ATRN: variants seen among roughly 807,000 people sequenced by gnomAD.
ATRN encodes the protein attractin.
A neutral mutation model predicts 178.7 loss-of-function variants in ATRN; 54 were observed. That is an observed-to-expected ratio of 0.30 (90% CI 0.24 to 0.38). The LOEUF is 0.38. Among genes scored for constraint, ATRN ranks in the 10% least tolerant of loss-of-function variants. The pLI, the probability that ATRN is intolerant of heterozygous loss-of-function variation, is 1.00. For synonymous variants in ATRN, 636 were observed against 663.0 expected (o/e 0.96, Z 0.63); for missense variants, 1,443 against 1,815.1 (o/e 0.79, Z 3.73).
chr20:3,624,224 A>C (rs570250295), intron 24 of ATRN, among the ~76,000 whole-genome samples: 10 of 152,324 alleles, frequency 6.6e-5, no homozygotes, highest in Non-Finnish European at 1.3e-4. Context: ...GCCAGGCTTC[A>C]TGGAGGCATG....
At chr20:3,602,561 A>G (rs1052556501) in intron 23 of ATRN, among the ~76,000 whole-genome samples, 2 of 152,192 alleles carry the variant, frequency 1.3e-5, no homozygotes, top group Non-Finnish European at 2.9e-5. Flanking sequence ...ATCTTAAAAC[A>G]TTGTGTAGAA....
intron 11 of ATRN, among the ~76,000 whole-genome samples, chr20:3,571,561 CT>C (rs5839999): frequency 0.61 from 86,929 of 142,488 alleles, 26,614 homozygotes; most frequent in East Asian, 0.96. Context: ...ATTTTTTGTG[CT>C]TTTTTTTTTT....
At chr20:3,519,324 C>T (rs2085255275) in intron 1 of ATRN, among the ~76,000 whole-genome samples, 1 of 147,250 alleles carries the variant, frequency 6.8e-6, no homozygotes, top group South Asian at 2.4e-4. Context: ...TGCTTGAATA[C>T]ATCCATGTGA....
At chr20:3,633,876 T>C (rs952706124) in intron 25 of ATRN, among the ~76,000 whole-genome samples, 2 of 152,250 alleles carry the variant, frequency 1.3e-5, no homozygotes, top group Non-Finnish European at 2.9e-5. Flanking sequence ...ATTTCTTCTG[T>C]TTGCCTCTTC....
At chr20:3,615,365 G>A (rs1015213551) in intron 24 of ATRN, among the ~76,000 whole-genome samples, 1 of 149,698 alleles carries the variant, frequency 6.7e-6, no homozygotes, top group African/African-American at 2.5e-5. Flanking sequence ...GGAGGCAGAT[G>A]TTGCAGCGAG....
At chr20:3,558,328 G>T (rs1398226517) in intron 6 of ATRN, among the ~76,000 whole-genome samples, 1 of 151,896 alleles carries the variant, frequency 6.6e-6, no homozygotes, top group East Asian at 1.9e-4. Flanking sequence ...TATTCTTTAT[G>T]TTATCTATCT....
intron 1 of ATRN, among the ~76,000 whole-genome samples, chr20:3,527,684 A>C (rs1282639244): frequency 6.6e-6 from 1 of 152,226 alleles, no homozygotes; most frequent in East Asian, 1.9e-4. Context: ...ATGCCCATCG[A>C]TGATAGACTG....
chr20:3,631,330 C>G (rs1311513465), intron 25 of ATRN, among the ~76,000 whole-genome samples: 1 of 151,988 alleles, frequency 6.6e-6, no homozygotes, highest in Admixed American at 6.6e-5. Context: ...TGAAGAATGG[C>G]TCATATAATA....
At chr20:3,476,414 A>G (rs1044067947) in intron 1 of ATRN, among the ~76,000 whole-genome samples, 1 of 152,216 alleles carries the variant, frequency 6.6e-6, no homozygotes, top group Non-Finnish European at 1.5e-5. Flanking sequence ...CGTTCTTTGA[A>G]GGACTGACCT....
chr20:3,631,494 T>C (rs1454731607), intron 25 of ATRN, among the ~76,000 whole-genome samples: 1 of 152,128 alleles, frequency 6.6e-6, no homozygotes, highest in Non-Finnish European at 1.5e-5. Context: ...CCTAATGAGA[T>C]GCTTTTCCAG....
intron 21 of ATRN, among the ~76,000 whole-genome samples, chr20:3,597,700 G>A (rs1440216497): frequency 2.0e-5 from 3 of 152,166 alleles, no homozygotes; most frequent in African/African-American, 7.2e-5. Context: ...TGGACAACTG[G>A]TCATTTCTTT....
Position 3,471,298 on chromosome 20 carries a change from T to A in ATRN, c.191T>A (p.Leu64Gln). The A allele has an allele frequency of 6.8e-7, 1 of 1,479,502 alleles. No individual in the cohort carries two copies. The highest frequency in any genetic ancestry group is 1.3e-5 in the South Asian group (1 of 77,264). The allele number at this position is 1,479,502 out of a possible 1,614,324, so 91.6% of individuals were successfully genotyped here. Residue 64 changes from leucine to glutamine, a missense_variant, in exon 1 of 29, where the codon CTG (leucine) becomes CAG (glutamine). This residue lies in a region of ATRN where 862 missense variants were observed against 972.1 expected (regional missense o/e 0.89). Coordinates refer to ENST00000262919, the MANE Select transcript of ATRN (RefSeq NM_139321.3). ...SPPLRPRLLL[L>Q]LLLLSPPLLL... ...CCGCTGCGGCCACGGCTGCTGCTGC[T>A]GCTGTTGTTGCTCTCGCCGCCGCTG... is the stretch of plus-strand genomic sequence containing the variant.
Position 3,647,664 on chromosome 20 carries a change from A to G in ATRN, c.*817A>G, listed in dbSNP as rs897539097. The G allele has an allele frequency of 2.0e-5, 3 of 152,208 alleles. No individual in the cohort carries two copies. Among genetic ancestry groups the G allele is most frequent in the Non-Finnish European group, 2.9e-5 (2 of 68,044 alleles). The allele number at this position is 152,208 out of a possible 1,614,324, so 9.4% of individuals were successfully genotyped here. On this transcript the variant is annotated 3_prime_UTR_variant, in exon 29 of 29. Transcript: ENST00000262919. ...GCCTAGACTTTAAATAGATCTAGCAATTGGAAAGTTAGTAAGCCTAAGTTT... is the reference window on the plus strand; with the variant it reads ...GCCTAGACTTTAAATAGATCTAGCAGTTGGAAAGTTAGTAAGCCTAAGTTT...
intron 5 of ATRN, among the ~76,000 whole-genome samples, chr20:3,548,446 C>G (rs1400676634): frequency 6.6e-6 from 1 of 151,650 alleles, no homozygotes; most frequent in Admixed American, 6.6e-5. Flanking sequence ...CTAAAAAATA[C>G]AAAAATTAGG....
At chr20:3,552,564 C>T (rs957541457) in intron 6 of ATRN, among the ~76,000 whole-genome samples, 2 of 152,226 alleles carry the variant, frequency 1.3e-5, no homozygotes, top group East Asian at 3.8e-4. Flanking sequence ...TAACAAATTA[C>T]CACAAACTTA....
chr20:3,471,242 C>T lies in ATRN; in HGVS notation c.135C>T (p.Ala45=). 1 of 1,444,568 alleles carries T rather than the reference C, an allele frequency of 6.9e-7. No homozygotes were observed. The highest frequency in any genetic ancestry group is 9.0e-7 in the Non-Finnish European group (1 of 1,108,764). 89.5% of individuals were successfully genotyped at this position (1,444,568 alleles called of 1,614,324 possible). The change falls in exon 1 of 29, where the codon GCC becomes GCT. Residue 45 remains alanine, a synonymous_variant. Coordinates refer to ENST00000262919, the MANE Select transcript of ATRN (RefSeq NM_139321.3). Reference sequence around the variant, plus strand: ...GGGCTGGGAGGCCGGGGCTGGGGGCCGGGCTGCGCCTCCCGCGGCTGCTGT... The same window carrying T: ...GGGCTGGGAGGCCGGGGCTGGGGGCTGGGCTGCGCCTCCCGCGGCTGCTGT... ...VTRAGRPGLG[A]GLRLPRLLSP... is the part of the protein sequence containing the mutation.
At chr20:3,635,429 C>T (rs1445447026) in intron 26 of ATRN, among the ~76,000 whole-genome samples, 1 of 151,778 alleles carries the variant, frequency 6.6e-6, no homozygotes, top group African/African-American at 2.4e-5. Context: ...ATAATTACAA[C>T]ATAAAAACTT....
At position 3,649,690 on chromosome 20, in the gene ATRN, T is replaced by C. The variant is rs1273660283; in HGVS notation, c.*2843T>C. On this transcript the variant is annotated 3_prime_UTR_variant, in exon 29 of 29. Transcript: ENST00000262919. ...ATGACCCTTTCTGGCAGCCTCTTGG[T>C]GCTCTGGGTAGTGAGGGATGACCAG... is the stretch of plus-strand genomic sequence containing the variant. 6.6e-6 allele frequency: 1 copy of C among 152,210 alleles called. No homozygotes were observed. The highest frequency in any genetic ancestry group is 1.5e-5 in the Non-Finnish European group (1 of 68,044). 9.4% of individuals were successfully genotyped at this position (152,210 alleles called of 1,614,324 possible).
At chr20:3,531,602 G>C (rs763459048) in intron 1 of ATRN, among the ~76,000 whole-genome samples, 1 of 152,170 alleles carries the variant, frequency 6.6e-6, no homozygotes, top group Non-Finnish European at 1.5e-5. Flanking sequence ...AGAAATTTCC[G>C]TAAGGTTTTG....
Sources: gnomAD v4.1 joint callset for allele counts (sites outside exome capture counted in the v4.1 genomes callset) on GRCh38, gnomAD v4.1.1 for gene constraint, gnomAD v4.1.1 regional missense constraint, MANE v1.5 for transcripts, NCBI Gene and HGNC (gene_info 2026-07-23, HGNC 2026-07-21) for gene names.